CACNA1A: variants seen among roughly 807,000 people sequenced by gnomAD.
The protein encoded by CACNA1A is calcium voltage-gated channel subunit alpha1 A, also known as voltage-dependent P/Q-type calcium channel subunit alpha-1A.
In CACNA1A, 57 loss-of-function variants were observed where a neutral mutation model predicts 262.4. The observed-to-expected ratio is 0.22, with a 90% CI of 0.18 to 0.27. The LOEUF is 0.27. Ranked by LOEUF, CACNA1A falls within the 10% of genes least tolerant of loss-of-function variation. The pLI, the probability that CACNA1A is intolerant of heterozygous loss-of-function variation, is 1.00. For missense variants in CACNA1A, 2,526 were observed against 3,562.8 expected, an observed-to-expected ratio of 0.71 and a Z score of 7.41; for synonymous variants, 1,431 against 1,419.3, an observed-to-expected ratio of 1.01 and a Z score of -0.18.
chr19:13,452,914 A>G lies in CACNA1A; in HGVS notation c.501T>C (p.Asn167=). 3 of 1,613,972 alleles carry G rather than the reference A, an allele frequency of 1.9e-6. No individual in the cohort carries two copies. The highest frequency in any genetic ancestry group is 2.5e-6 in the Non-Finnish European group (3 of 1,179,814). Residue 167 remains asparagine, a synonymous_variant, in exon 3 of 47, where the codon AAT becomes AAC. Transcript: ENST00000360228. ...CCACAAAGTCCATGACATTCCAGCC[A>G]TTCCTCAAGTAGGAGCCTTTGTGGA... is the stretch of plus-strand genomic sequence containing the variant. ...FAFHKGSYLR[N]GWNVMDFVVV...
intron 1 of CACNA1A, among the ~76,000 whole-genome samples, chr19:13,470,799 A>T (rs1263684054): frequency 6.6e-6 from 1 of 152,108 alleles, no homozygotes; most frequent in African/African-American, 2.4e-5. Context: ...GCATTTCTCC[A>T]TTTGATTTCC....
At chr19:13,418,904 A>AT (rs35188185) in intron 3 of CACNA1A, among the ~76,000 whole-genome samples, 2 of 151,444 alleles carry the variant, frequency 1.3e-5, no homozygotes, top group Non-Finnish European at 2.9e-5. Context: ...TTTATTTTTT[A>AT]TTTTTTTGAG....
In CACNA1A at chr19:13,312,656, C is replaced by T. The variant is rs373955312; in HGVS notation, c.1668+13G>A. 2 of 1,479,690 alleles carry T rather than the reference C, an allele frequency of 1.4e-6. No individual in the cohort carries two copies. Among genetic ancestry groups the T allele is most frequent in the Non-Finnish European group, 1.9e-6 (2 of 1,074,666 alleles). The allele number at this position is 1,479,690 out of a possible 1,614,324, so 91.7% of individuals were successfully genotyped here. A position where few individuals can be genotyped will look rare whatever the true frequency, so the allele number is the denominator to read the frequency against. ...AGCTGGAGAAATGAACTCTTAGAAA[C>T]AAGAGCACTTACCCCACAGTCAAAG... On this transcript the variant is annotated intron_variant, in intron 12 of 46. Transcript: ENST00000360228.
At chr19:13,336,666 C>T (rs1280907410) in intron 6 of CACNA1A, among the ~76,000 whole-genome samples, 1 of 142,416 alleles carries the variant, frequency 7.0e-6, no homozygotes, top group African/African-American at 2.6e-5. Flanking sequence ...CCAGCACTTA[C>T]AGAGTATTTA....
intron 38 of CACNA1A, among the ~76,000 whole-genome samples, chr19:13,221,428 T>C (rs1325139893): frequency 1.3e-5 from 2 of 150,348 alleles, no homozygotes; most frequent in African/African-American, 4.9e-5. Context: ...AGATGGGGTT[T>C]CGCCATGTTG....
At chr19:13,260,315 CATATAT>C (rs200056036) in intron 26 of CACNA1A, 31 of 62,170 alleles carry the variant, frequency 5.0e-4, no homozygotes, top group Non-Finnish European at 8.0e-4. Flanking sequence ...TATATATATA[CATATAT>C]ATATATATAT....
chr19:13,299,388 C>G, intron 18 of CACNA1A, 35 bp from the exon 19 acceptor site: 1 of 1,582,776 alleles, frequency 6.3e-7, no homozygotes, highest in Non-Finnish European at 8.6e-7. Flanking sequence ...TAGAGCATTG[C>G]TAGGCACTGT....
intron 3 of CACNA1A, among the ~76,000 whole-genome samples, chr19:13,373,069 G>C (rs1010704207): frequency 3.9e-5 from 6 of 152,240 alleles, no homozygotes; most frequent in Non-Finnish European, 7.3e-5. Flanking sequence ...ACTGTCATCA[G>C]AACTTCATAT....
chr19:13,455,916 G>A (rs1297728367), intron 1 of CACNA1A, among the ~76,000 whole-genome samples: 4 of 150,386 alleles, frequency 2.7e-5, no homozygotes, highest in Non-Finnish European at 5.9e-5. Flanking sequence ...GATAGAGGCT[G>A]CGGTGGGTGG....
intron 19 of CACNA1A, among the ~76,000 whole-genome samples, chr19:13,287,688 G>T (rs1266555301): frequency 6.6e-6 from 1 of 151,962 alleles, no homozygotes; most frequent in East Asian, 1.9e-4. Context: ...TTTCAGTAGA[G>T]ATGGGGTTTC....
chr19:13,484,140 C>T (rs187948014), intron 1 of CACNA1A, among the ~76,000 whole-genome samples: 14 of 152,222 alleles, frequency 9.2e-5, no homozygotes, highest in African/African-American at 3.4e-4. Context: ...TTAACTTCCC[C>T]CGTTCTATAA....
chr19:13,402,988 T>G lies in CACNA1A; in HGVS notation c.540-31209A>C, dbSNP rs2059936974. Among the ~76,000 whole-genome samples the G allele has an allele frequency of 5.4e-5, 8 of 148,758 alleles. No individual in the cohort carries two copies. The Admixed American group carries it at 5.5e-4, about 10-fold the overall frequency. ...AATATGTGCCGACATCTAGATCGTC[T>G]GCTCAAATATCACTTTCCCAATAAG... On this transcript the variant is annotated intron_variant, in intron 3 of 46. Transcript: ENST00000360228.
At chr19:13,273,786 C>A (rs2057081498) in intron 24 of CACNA1A, 1 of 151,986 alleles carries the variant, frequency 6.6e-6, no homozygotes, top group South Asian at 2.1e-4. Flanking sequence ...TTCCTGTGTT[C>A]CCCAGACTGG....
At chr19:13,250,546 G>A (rs1239597268) in intron 30 of CACNA1A, among the ~76,000 whole-genome samples, 22 of 151,894 alleles carry the variant, frequency 1.4e-4, no homozygotes, top group African/African-American at 1.5e-4. Flanking sequence ...ACAGGCATGC[G>A]CCACCACACC....
At chr19:13,278,063 G>A (rs534665785) in intron 22 of CACNA1A, 2 of 150,556 alleles carry the variant, frequency 1.3e-5, no homozygotes, top group African/African-American at 2.5e-5. Context: ...ACTCCAGCCT[G>A]GGAGACAGAG....
At chr19:13,361,425 G>T (rs2059109344) in intron 5 of CACNA1A, among the ~76,000 whole-genome samples, 1 of 152,270 alleles carries the variant, frequency 6.6e-6, no homozygotes, top group East Asian at 1.9e-4. Flanking sequence ...CAGCACAGCG[G>T]GTCTGAGAGG....
At chr19:13,292,732 C>T (rs905151226) in intron 19 of CACNA1A, among the ~76,000 whole-genome samples, 2 of 152,214 alleles carry the variant, frequency 1.3e-5, no homozygotes, top group African/African-American at 4.8e-5. Context: ...CCGAAGGCCA[C>T]TGGCTTTGTC....
intron 30 of CACNA1A, among the ~76,000 whole-genome samples, chr19:13,247,850 T>TG (rs2056290780): frequency 6.6e-6 from 1 of 152,154 alleles, no homozygotes; most frequent in Non-Finnish European, 1.5e-5. Flanking sequence ...GCCCAGGGTC[T>TG]CTCTGTGGCT....
chr19:13,347,432 T>A (rs1420270825), intron 6 of CACNA1A, among the ~76,000 whole-genome samples: 2 of 152,050 alleles, frequency 1.3e-5, no homozygotes, highest in Admixed American at 1.3e-4. Context: ...TACTGTTTTA[T>A]TCTATCCCGG....
Sources: gnomAD v4.1 joint callset for allele counts (sites outside exome capture counted in the v4.1 genomes callset) on GRCh38, gnomAD v4.1.1 for gene constraint, MANE v1.5 for transcripts, NCBI Gene and HGNC (gene_info 2026-07-23, HGNC 2026-07-21) for gene names.